ACOX2: variants seen among roughly 807,000 people sequenced by gnomAD.
ACOX2 encodes peroxisomal acyl-coenzyme A oxidase 2.
ACOX2 carries 59 observed loss-of-function variants against 77.5 expected under a neutral mutation model. The ratio of observed to expected loss-of-function variants is 0.76; its 90% confidence interval spans 0.62 to 0.95. The LOEUF (loss-of-function observed/expected upper bound fraction) is 0.95, where lower values mean the gene tolerates loss of function less well. Ranked by LOEUF, ACOX2 falls within the 40% of genes least tolerant of loss-of-function variation. The probability of loss-of-function intolerance (pLI) is 0.00; values close to 1 mark genes in which losing one functional copy is unlikely to be tolerated. For synonymous variants in ACOX2, 317 were observed against 340.1 expected (o/e 0.93, Z 0.75); for missense variants, 837 against 880.4 (o/e 0.95, Z 0.62).
In ACOX2 at chr3:58,531,562, C is replaced by T. The variant is rs2063439569; in HGVS notation, c.703+131G>A. ...CCTAGCCAGTTAGCACCAAGTCTGT[C>T]CAACTGGACCGCTCCCTGCCCAAGG... On this transcript the variant is annotated intron_variant, in intron 6 of 14. Coordinates refer to ENST00000302819, the MANE Select transcript of ACOX2 (RefSeq NM_003500.4). This position sits in a 1 kb window ranked among gnomAD's most constrained non-coding sequence, Gnocchi z 5.8. 5.6e-6 allele frequency: 8 copies of T among 1,430,656 alleles called. No homozygotes were observed. The highest frequency in any genetic ancestry group is 7.6e-6 in the Non-Finnish European group (8 of 1,054,722). 88.6% of individuals were successfully genotyped at this position (1,430,656 alleles called of 1,614,324 possible).
Position 58,508,964 on chromosome 3 carries a change from G to C in ACOX2, c.1912C>G (p.Leu638Val). ...DFTDQCLNSA[L>V]GCYDGNVYER... ...TAGACGTTTCCATCATAACAGCCAA[G>C]TGCTGAATTTAAACACTGATCGGTG... Residue 638 changes from leucine (L) to valine (V), a missense_variant, in exon 14 of 15, where the codon CTT becomes GTT. Transcript: ENST00000302819. The C allele has an allele frequency of 6.2e-7, 1 of 1,614,198 alleles. No individual in the cohort carries two copies. Among genetic ancestry groups the C allele is most frequent in the East Asian group, 2.2e-5 (1 of 44,880 alleles).
chr3:58,535,240 G>C lies in ACOX2; in HGVS notation c.-91-43C>G. 1 of 1,155,418 alleles carries C rather than the reference G, an allele frequency of 8.7e-7. No individual in the cohort carries two copies. Among genetic ancestry groups the C allele is most frequent in the Non-Finnish European group, 1.3e-6 (1 of 799,034 alleles). The allele number at this position is 1,155,418 out of a possible 1,614,324, so 71.6% of individuals were successfully genotyped here. A position where few individuals can be genotyped will look rare whatever the true frequency, so the allele number is the denominator to read the frequency against. ...TGCCTAGGGCTGGGTGTCAGCCAGG[G>C]CTGGTTGGTAGAAGAAAGACATCCC... On this transcript the variant is annotated intron_variant, in intron 1 of 14. Coordinates refer to ENST00000302819, the MANE Select transcript of ACOX2 (RefSeq NM_003500.4). This position sits in a 1 kb window ranked among gnomAD's most constrained non-coding sequence, Gnocchi z 4.8.
rs1191337943 is a variant in ACOX2, at chr3:58,522,772, A to C, written c.1527-171T>G. Among the ~76,000 whole-genome samples the C allele has an allele frequency of 6.6e-6, 1 of 152,076 alleles. No individual in the cohort carries two copies. Among genetic ancestry groups the C allele is most frequent in the African/African-American group, 2.4e-5 (1 of 41,392 alleles). On this transcript the variant is annotated intron_variant, in intron 11 of 14. Coordinates refer to ENST00000302819, the MANE Select transcript of ACOX2 (RefSeq NM_003500.4). This position sits in a 1 kb window ranked among gnomAD's most constrained non-coding sequence, Gnocchi z 4.3. Reference sequence around the variant, plus strand: ...CTTTTTAACTCTTTTAAGGGCAGGCACCCCCCAGTTTGCAATGGGGAAAAC... The same window carrying C: ...CTTTTTAACTCTTTTAAGGGCAGGCCCCCCCCAGTTTGCAATGGGGAAAAC...
In ACOX2 at chr3:58,526,650, C is replaced by T. The variant is rs541741407; in HGVS notation, c.1162G>A (p.Ala388Thr). ...ATGGCCTTCATGCCCGTGCTCAGTGCGTGGAGCTGTGAGAACATGGAGGGG... is the reference window on the plus strand; with the variant it reads ...ATGGCCTTCATGCCCGTGCTCAGTGTGTGGAGCTGTGAGAACATGGAGGGG... ...QDFSFLPELH[A>T]LSTGMKAMMS... The change falls in exon 10 of 15, where the codon GCA becomes ACA. Residue 388 changes from alanine (A) to threonine (T), a missense_variant. Physicochemically the swap from Ala to Thr is moderately conservative, Grantham distance 58. Transcript: ENST00000302819. The surrounding 1 kb of genome is among the most constrained non-coding windows in gnomAD (Gnocchi z 4.3). 25 of 1,613,350 alleles carry T rather than the reference C, an allele frequency of 1.5e-5. No individual in the cohort carries two copies. The highest frequency in any genetic ancestry group is 3.3e-5 in the South Asian group (3 of 90,990).
At position 58,515,330 on chromosome 3, in the gene ACOX2, A is replaced by AT; in HGVS notation, c.1850+1875dup. Among the ~76,000 whole-genome samples, 1 of 150,490 alleles carries AT rather than the reference A, an allele frequency of 6.6e-6. No individual in the cohort carries two copies. Among genetic ancestry groups the AT allele is most frequent in the African/African-American group, 2.4e-5 (1 of 40,886 alleles). On this transcript the variant is annotated intron_variant, in intron 13 of 14. Coordinates refer to ENST00000302819, the MANE Select transcript of ACOX2 (RefSeq NM_003500.4). This position sits in a 1 kb window ranked among gnomAD's most constrained non-coding sequence, Gnocchi z 4.0. ...GCCACCGCGCCTGGCCTGAACAAACATTTTTTTGACCACCAGCTATCTGTT... is the reference window on the plus strand; with the variant it reads ...GCCACCGCGCCTGGCCTGAACAAACATTTTTTTTGACCACCAGCTATCTGTT...
In ACOX2 at chr3:58,531,332, G is replaced by A. The variant is rs1196319769; in HGVS notation, c.738C>T (p.Asp246=). ...IIIGDIGPKM[D]FDQTDNGFLQ... is the part of the protein sequence containing the mutation. Reference sequence around the variant, plus strand: ...GGAAGCCATTGTCTGTTTGATCAAAGTCCATCTTGGGTCCGATGTCCCCAA... The same window carrying A: ...GGAAGCCATTGTCTGTTTGATCAAAATCCATCTTGGGTCCGATGTCCCCAA... Residue 246 remains aspartate, a synonymous_variant, in exon 7 of 15, where the codon GAC becomes GAT. Transcript: ENST00000302819. The surrounding 1 kb of genome is among the most constrained non-coding windows in gnomAD (Gnocchi z 5.8). 1.4e-5 allele frequency: 22 copies of A among 1,613,936 alleles called. No individual in the cohort carries two copies. The highest frequency in any genetic ancestry group is 1.9e-5 in the Non-Finnish European group (22 of 1,180,038).
In ACOX2 at chr3:58,531,241, G is replaced by T. The variant is rs1011921859; in HGVS notation, c.819+10C>A. ...GAAGTACAAGTCCCCGGCCTCCCCA[G>T]ATCTGTAACCTGTGCAAAGCGACTC... is the stretch of plus-strand genomic sequence containing the variant. On this transcript the variant is annotated intron_variant, in intron 7 of 14. Coordinates refer to ENST00000302819, the MANE Select transcript of ACOX2 (RefSeq NM_003500.4). This position sits in a 1 kb window ranked among gnomAD's most constrained non-coding sequence, Gnocchi z 5.8. The T allele has an allele frequency of 1.2e-6, 2 of 1,609,684 alleles. No homozygotes were observed. Among genetic ancestry groups the T allele is most frequent in the East Asian group, 4.5e-5 (2 of 44,794 alleles).
At chr3:58,516,237 A>G (rs2063321217) in intron 13 of ACOX2, among the ~76,000 whole-genome samples, 1 of 152,230 alleles carries the variant, frequency 6.6e-6, no homozygotes, top group Non-Finnish European at 1.5e-5. Context: ...GATTAAGGTA[A>G]GTTTACTAAA....
Position 58,526,683 on chromosome 3 carries a change from C to G in ACOX2, c.1156-27G>C. The G allele has an allele frequency of 6.2e-7, 1 of 1,606,956 alleles. No individual in the cohort carries two copies. The highest frequency in any genetic ancestry group is 8.5e-7 in the Non-Finnish European group (1 of 1,176,628). ...TGTGAGAACATGGAGGGGGGTTGGG[C>G]GGTGTTAGGGGGCCTCCACCATAGG... On this transcript the variant is annotated intron_variant, in intron 9 of 14. Coordinates refer to ENST00000302819, the MANE Select transcript of ACOX2 (RefSeq NM_003500.4). This position sits in a 1 kb window ranked among gnomAD's most constrained non-coding sequence, Gnocchi z 4.3.
At chr3:58,508,399 A>G (rs572822422) in intron 14 of ACOX2, among the ~76,000 whole-genome samples, 24 of 152,266 alleles carry the variant, frequency 1.6e-4, no homozygotes, top group Middle Eastern at 6.8e-3. Context: ...TATTCCTTAG[A>G]GTGAAGAGGA....
At position 58,531,433 on chromosome 3, in the gene ACOX2, A is replaced by G; in HGVS notation, c.704-67T>C. 1 of 1,445,758 alleles carries G rather than the reference A, an allele frequency of 6.9e-7. No homozygotes were observed. Among genetic ancestry groups the G allele is most frequent in the Non-Finnish European group, 9.7e-7 (1 of 1,035,100 alleles). The allele number at this position is 1,445,758 out of a possible 1,614,324, so 89.6% of individuals were successfully genotyped here. A position where few individuals can be genotyped will look rare whatever the true frequency, so the allele number is the denominator to read the frequency against. ...GTGCTTGCTATGTGGCAGGTATCAT[A>G]CACACATTCCAGGTCACAGCAGCCT... On this transcript the variant is annotated intron_variant, in intron 6 of 14. Coordinates refer to ENST00000302819, the MANE Select transcript of ACOX2 (RefSeq NM_003500.4). This position sits in a 1 kb window ranked among gnomAD's most constrained non-coding sequence, Gnocchi z 5.8.
chr3:58,519,191 C>T lies in ACOX2; in HGVS notation c.1633-1768G>A, dbSNP rs1294753344. On this transcript the variant is annotated intron_variant, in intron 12 of 14. Transcript: ENST00000302819. This position sits in a 1 kb window ranked among gnomAD's most constrained non-coding sequence, Gnocchi z 5.0. ...TTGAGGTCAGGAGTTCGAGACCAGC[C>T]TGGCCAACATGGCAAAACCCTGTCT... 6.6e-6 allele frequency among the ~76,000 whole-genome samples: 1 copy of T among 151,992 alleles called. No individual in the cohort carries two copies. Among genetic ancestry groups the T allele is most frequent in the Non-Finnish European group, 1.5e-5 (1 of 68,014 alleles).
In ACOX2 at chr3:58,519,463, G is replaced by A. The variant is rs760410600; in HGVS notation, c.1633-2040C>T. Among the ~76,000 whole-genome samples the A allele has an allele frequency of 1.8e-4, 28 of 152,268 alleles. No individual in the cohort carries two copies. Among genetic ancestry groups the A allele is most frequent in the Non-Finnish European group, 3.4e-4 (23 of 68,018 alleles). On this transcript the variant is annotated intron_variant, in intron 12 of 14. Transcript: ENST00000302819. This position sits in a 1 kb window ranked among gnomAD's most constrained non-coding sequence, Gnocchi z 5.0. ...GTTGGGGGAAAGGTCATTCCAGGCA[G>A]GGGGAGCTTTATGTGCAAAAGGCTG... is the stretch of plus-strand genomic sequence containing the variant.
rs955751418 is a variant in ACOX2, at chr3:58,505,965, A to G, written c.1984-679T>C. 2.0e-5 allele frequency among the ~76,000 whole-genome samples: 3 copies of G among 151,952 alleles called. No individual in the cohort carries two copies. Among genetic ancestry groups the G allele is most frequent in the African/African-American group, 7.3e-5 (3 of 41,358 alleles). ...ACCACCACACCTGGCTAATTTTTGT[A>G]TTTTTAATAGAGACGGAGTTTTGCC... On this transcript the variant is annotated intron_variant, in intron 14 of 14. Transcript: ENST00000302819. The surrounding 1 kb of genome is among the most constrained non-coding windows in gnomAD (Gnocchi z 4.4).
At chr3:58,527,566 C>CTTCTACCAT (rs1262104439) in intron 9 of ACOX2, among the ~76,000 whole-genome samples, 1 of 141,420 alleles carries the variant, frequency 7.1e-6, no homozygotes, top group African/African-American at 3.0e-5. Context: ...AAAGAGGCTG[C>CTTCTACCAT]TTCTACCATT....
chr3:58,535,330 T>A lies in ACOX2; in HGVS notation c.-91-133A>T. 1 of 592,530 alleles carries A rather than the reference T, an allele frequency of 1.7e-6. No homozygotes were observed. The highest frequency in any genetic ancestry group is 3.0e-6 in the Non-Finnish European group (1 of 332,560). 36.7% of individuals were successfully genotyped at this position (592,530 alleles called of 1,614,324 possible). On this transcript the variant is annotated intron_variant, in intron 1 of 14. Transcript: ENST00000302819. The surrounding 1 kb of genome is among the most constrained non-coding windows in gnomAD (Gnocchi z 4.8). ...TGGACACTGGCTGTGGACCAGGCAC[T>A]GTGTGCATGGTAGGCATGGTATGCA...
rs2108004331 is a variant in ACOX2 at position 58,526,866 on chromosome 3, G to A, written c.1156-210C>T. 1.9e-6 allele frequency: 1 copy of A among 529,966 alleles called. No homozygotes were observed. Among genetic ancestry groups the A allele is most frequent in the Middle Eastern group, 5.0e-4 (1 of 1,992 alleles). 32.8% of individuals were successfully genotyped at this position (529,966 alleles called of 1,614,324 possible). A position where few individuals can be genotyped will look rare whatever the true frequency, so the allele number is the denominator to read the frequency against. ...ACACAATTAGGCAATGTAGCTGTAG[G>A]GGCATAAGAGTGAAGGAAAACCTGG... On this transcript the variant is annotated intron_variant, in intron 9 of 14. Coordinates refer to ENST00000302819, the MANE Select transcript of ACOX2 (RefSeq NM_003500.4). The surrounding 1 kb of genome is among the most constrained non-coding windows in gnomAD (Gnocchi z 4.3).
Position 58,534,907 on chromosome 3 carries a change from G to A in ACOX2, c.160+40C>T, listed in dbSNP as rs777835390. 3 of 1,611,768 alleles carry A rather than the reference G, an allele frequency of 1.9e-6. No homozygotes were observed. The highest frequency in any genetic ancestry group is 2.2e-5 in the South Asian group (2 of 90,988). ...GGACTCTTCTTACAAGAGAAGCATG[G>A]GGCATAAAACAGATGTCCCATTCCC... On this transcript the variant is annotated intron_variant, in intron 2 of 14. Transcript: ENST00000302819. This position sits in a 1 kb window ranked among gnomAD's most constrained non-coding sequence, Gnocchi z 4.8.
At position 58,534,162 on chromosome 3, in the gene ACOX2, C is replaced by A; in HGVS notation, c.324-17G>T. 1 of 1,613,656 alleles carries A rather than the reference C, an allele frequency of 6.2e-7. No individual in the cohort carries two copies. Among genetic ancestry groups the A allele is most frequent in the Non-Finnish European group, 8.5e-7 (1 of 1,179,882 alleles). ...GAAAGGGCTCTGTTGGGGAGAGATG[C>A]TGTAGTTGAGTAGCTTATTGGAGAC... On this transcript the variant is annotated splice_polypyrimidine_tract_variant and intron_variant, in intron 3 of 14. Coordinates refer to ENST00000302819, the MANE Select transcript of ACOX2 (RefSeq NM_003500.4). This position sits in a 1 kb window ranked among gnomAD's most constrained non-coding sequence, Gnocchi z 4.8.
Sources: gnomAD v4.1 joint callset for allele counts (sites outside exome capture counted in the v4.1 genomes callset) on GRCh38, gnomAD v4.1.1 for gene constraint, Gnocchi (gnomAD v3.1) non-coding constraint, MANE v1.5 for transcripts, NCBI Gene and HGNC (gene_info 2026-07-23, HGNC 2026-07-21) for gene names.